The following PLCH2 variants were observed in gnomAD, a reference collection of about 807,000 sequenced individuals.
PLCH2 encodes phospholipase C eta 2, also known as 1-phosphatidylinositol 4,5-bisphosphate phosphodiesterase eta-2.
Under a neutral mutation model 134.7 loss-of-function variants are expected in PLCH2, and 98 were observed. That is an observed-to-expected ratio of 0.73 (90% confidence interval 0.62 to 0.86). The LOEUF (loss-of-function observed/expected upper bound fraction) is 0.86. Ranked by LOEUF, PLCH2 falls within the 40% of genes least tolerant of loss-of-function variation. The pLI is 0.00. For synonymous variants in PLCH2, 974 were observed against 827.5 expected (o/e 1.18, Z -3.04); for missense variants, 1,994 against 1,986.6 (o/e 1.00, Z -0.07).
chr1:2,428,854 C>A (rs1029119781), intron 1 of PLCH2, among the ~76,000 whole-genome samples: 1 of 152,230 alleles, frequency 6.6e-6, no homozygotes, highest in African/African-American at 2.4e-5. Context: ...CAGGGCAGTG[C>A]GGTGAGAGGC....
chr1:2,455,344 C>T (rs1570315956), intron 2 of PLCH2, among the ~76,000 whole-genome samples: 1 of 152,166 alleles, frequency 6.6e-6, no homozygotes, highest in East Asian at 1.9e-4. Flanking sequence ...GGTGTCGGGG[C>T]AGGAGGACCC....
chr1:2,428,645 G>A (rs1303369160), intron 1 of PLCH2, among the ~76,000 whole-genome samples: 1 of 152,392 alleles, frequency 6.6e-6, no homozygotes, highest in Non-Finnish European at 1.5e-5. Flanking sequence ...CGGCCCTTGC[G>A]CCGGCAGACG....
At chr1:2,497,159 C>G in intron 15 of PLCH2, 149 bp downstream of exon 15, 1 of 791,554 alleles carries the variant, frequency 1.3e-6, no homozygotes, top group Non-Finnish European at 2.0e-6. Context: ...CTGTGGCATG[C>G]TGCCGACACC....
chr1:2,425,797 A>T (rs1426381961), upstream of PLCH2, among the ~76,000 whole-genome samples: 2 of 151,568 alleles, frequency 1.3e-5, no homozygotes, highest in Admixed American at 6.6e-5. Flanking sequence ...TTCTGGGATG[A>T]CAGGAGTGAG....
At chr1:2,476,260 G>C, upstream of PLCH2, 1 of 253,176 alleles carries the variant, frequency 3.9e-6, no homozygotes. Flanking sequence ...TTAGCACAGG[G>C]ATTGGGCCTG....
rs1416906750 is a variant in PLCH2 at position 2,457,452 on chromosome 1, G to A, written c.116-21024G>A. Among the ~76,000 whole-genome samples the A allele has an allele frequency of 4.6e-5, 7 of 152,140 alleles. No homozygotes were observed. In the East Asian group the frequency reaches 7.7e-4, roughly 17 times the overall value. Reference sequence around the variant, plus strand: ...CAGCTTCCTGCCACTGCAGCTTCTCGCCAGGGTTCCCCAGCCGCCTGCTCC... The same window carrying A: ...CAGCTTCCTGCCACTGCAGCTTCTCACCAGGGTTCCCCAGCCGCCTGCTCC... On this transcript the variant is annotated intron_variant, in intron 2 of 3. Transcript: ENST00000609981.
At position 2,444,365 on chromosome 1, in the gene PLCH2, T is replaced by G. The variant is rs1282392790; in HGVS notation, c.115+13736T>G. On this transcript the variant is annotated intron_variant, in intron 2 of 3. Coordinates refer to the PLCH2 transcript ENST00000609981. This position sits in a 1 kb window ranked among gnomAD's most constrained non-coding sequence, Gnocchi z 4.6. ...CTGTGTGGGTCCGGGAGGTGCTGCG[T>G]GGACTTGCCGCATGGCACATCTGCC... Among the ~76,000 whole-genome samples the G allele has an allele frequency of 6.6e-6, 1 of 152,006 alleles. No individual in the cohort carries two copies. The highest frequency in any genetic ancestry group is 1.5e-5 in the Non-Finnish European group (1 of 67,960).
chr1:2,441,087 G>A (rs896537551), intron 2 of PLCH2, among the ~76,000 whole-genome samples: 6 of 152,180 alleles, frequency 3.9e-5, no homozygotes, highest in African/African-American at 1.2e-4. Flanking sequence ...AGTGGAGGGG[G>A]TGGGTTCCCA....
intron 2 of PLCH2, among the ~76,000 whole-genome samples, chr1:2,450,005 GTGAATGAAGC>G (rs1266335066): frequency 6.6e-6 from 1 of 152,218 alleles, no homozygotes; most frequent in Non-Finnish European, 1.5e-5. Context: ...GGGGAAGTGG[GTGAATGAAGC>G]TGTTTCTCTG....
intron 9 of PLCH2, 77 bp from the exon 10 acceptor site, chr1:2,489,683 G>A (rs1315687266): frequency 1.5e-5 from 18 of 1,177,280 alleles, no homozygotes; most frequent in African/African-American, 6.0e-5. Context: ...CTTGGCCGGC[G>A]GCTCTTTGTG....
Position 2,498,598 on chromosome 1 carries a change from G to C in PLCH2, c.2300G>C (p.Gly767Ala), listed in dbSNP as rs1643024337. The C allele has an allele frequency of 6.4e-7, 1 of 1,574,166 alleles. No homozygotes were observed. The highest frequency in any genetic ancestry group is 1.4e-5 in the African/African-American group (1 of 73,542). ...CAGCTGGTGCTCCGGATCATCAGTG[G>C]CCAGCAGCTTCCCAAGCCGCGCGAC... ...KKQLVLRIIS[G>A]QQLPKPRDSM... Residue 767 changes from glycine (G) to alanine (A), a missense_variant, in exon 17 of 22, where the codon GGC becomes GCC. Coordinates refer to ENST00000378486, the MANE Select transcript of PLCH2 (RefSeq NM_014638.4). The surrounding 1 kb of genome is among the most constrained non-coding windows in gnomAD (Gnocchi z 5.4).
At chr1:2,472,869 G>A (rs370983070), upstream of PLCH2, among the ~76,000 whole-genome samples, 2 of 152,152 alleles carry the variant, frequency 1.3e-5, no homozygotes, top group Non-Finnish European at 2.9e-5. Flanking sequence ...TGCCCCTGTC[G>A]TGGGAGGGGC....
Position 2,484,581 on chromosome 1 carries a change from C to G in PLCH2, c.779C>G (p.Ala260Gly), listed in dbSNP as rs1281461797. 8 of 1,612,702 alleles carry G rather than the reference C, an allele frequency of 5.0e-6. No individual in the cohort carries two copies. The highest frequency in any genetic ancestry group is 1.3e-5 in the African/African-American group (1 of 74,934). ...AGCAACCACAAGGACCACCTGGATGCCGCCAGCCTGCAGCGCTTCCTGCAG... is the reference window on the plus strand; with the variant it reads ...AGCAACCACAAGGACCACCTGGATGGCGCCAGCCTGCAGCGCTTCCTGCAG... ...TYSNHKDHLDAASLQRFLQVE... is the reference protein window; with the variant it reads ...TYSNHKDHLDGASLQRFLQVE... Residue 260 changes from alanine to glycine, a missense_variant, in exon 5 of 22, where the codon GCC becomes GGC. By Grantham distance (60) the Ala-to-Gly change is moderately conservative. Coordinates refer to ENST00000378486, the MANE Select transcript of PLCH2 (RefSeq NM_014638.4).
In PLCH2 at chr1:2,502,017, C is replaced by T. The variant is rs547705415; in HGVS notation, c.2662-95C>T. 964 of 1,163,020 alleles carry T rather than the reference C, an allele frequency of 8.3e-4. 2 individuals carry two copies. Among genetic ancestry groups the T allele is most frequent in the Admixed American group, 2.0e-3 (61 of 30,874 alleles). 72.0% of individuals were successfully genotyped at this position (1,163,020 alleles called of 1,614,324 possible). On this transcript the variant is annotated intron_variant, in intron 20 of 21. Coordinates refer to ENST00000378486, the MANE Select transcript of PLCH2 (RefSeq NM_014638.4). ...CCCTCGGACCGAGACACGCATGGCA[C>T]GTCTGTGGCACGGTCTGGAGAGCTG... is the stretch of plus-strand genomic sequence containing the variant.
intron 21 of PLCH2, chr1:2,502,704 G>A: frequency 1.4e-6 from 1 of 712,936 alleles, no homozygotes; most frequent in Non-Finnish European, 2.6e-6. Flanking sequence ...GCCCCCAAGG[G>A]TCCTGGGGCC....
upstream of PLCH2, among the ~76,000 whole-genome samples, chr1:2,473,157 C>G (rs1217439658): frequency 1.3e-5 from 2 of 152,200 alleles, no homozygotes; most frequent in African/African-American, 4.8e-5. Flanking sequence ...TGCCACCCGC[C>G]CGGTTCCAGC....
At chr1:2,423,189 G>T (rs56245799), upstream of PLCH2, among the ~76,000 whole-genome samples, 1 of 146,486 alleles carries the variant, frequency 6.8e-6, no homozygotes, top group Non-Finnish European at 1.5e-5. Context: ...TTGTTTGTTT[G>T]TTGTTTGTTT....
rs373902291 is a variant in PLCH2, at chr1:2,499,170, G to A, written c.2521G>A (p.Asp841Asn). Residue 841 changes from aspartate (D) to asparagine (N), a missense_variant, in exon 19 of 22, where the codon GAT (aspartate) becomes AAT (asparagine). Coordinates refer to ENST00000378486, the MANE Select transcript of PLCH2 (RefSeq NM_014638.4). ...GGTCCGCTTCCTCGTCTGGGACCAC[G>A]ATCCCATCGGGCGTGACTTCATTGG... ...ALVRFLVWDH[D>N]PIGRDFIGQR... is the part of the protein sequence containing the mutation. The A allele has an allele frequency of 2.3e-5, 37 of 1,613,070 alleles. No individual in the cohort carries two copies. Among genetic ancestry groups the A allele is most frequent in the African/African-American group, 5.3e-5 (4 of 74,924 alleles).
intron 2 of PLCH2, among the ~76,000 whole-genome samples, chr1:2,433,777 G>A (rs1001910485): frequency 3.3e-5 from 5 of 152,150 alleles, no homozygotes; most frequent in South Asian, 4.1e-4. Context: ...ACCTCTCCCC[G>A]CTCCTTCGTG....
Sources: gnomAD v4.1 joint callset for allele counts (sites outside exome capture counted in the v4.1 genomes callset) on GRCh38, gnomAD v4.1.1 for gene constraint, Gnocchi (gnomAD v3.1) non-coding constraint, MANE v1.5 for transcripts, NCBI Gene and HGNC (gene_info 2026-07-23, HGNC 2026-07-21) for gene names.